The following MID1 variants were observed in gnomAD, a reference collection of about 807,000 sequenced individuals.
MID1 encodes the protein midline 1.
In MID1, 7 loss-of-function variants were observed where a neutral mutation model predicts 40.4. The ratio of observed to expected loss-of-function variants is 0.17; its 90% CI spans 0.10 to 0.33. MID1 has a LOEUF of 0.33. Ranked by LOEUF, MID1 falls within the 10% of genes least tolerant of loss-of-function variation. MID1 has a pLI of 1.00. For synonymous variants in MID1, 229 were observed against 221.2 expected (o/e 1.04, Z -0.31); for missense variants, 367 against 558.5 (o/e 0.66, Z 3.46).
At position 10,630,312 on chromosome X, in the gene MID1, T is replaced by C. The variant is rs1313525780; in HGVS notation, c.-186-9893A>G. Among the ~76,000 whole-genome samples, 3 of 110,942 alleles carry C rather than the reference T, an allele frequency of 2.7e-5. No individual in the cohort carries two copies. The Admixed American group carries it at 2.9e-4, about 11-fold the overall frequency. On this transcript the variant is annotated intron_variant, in intron 1 of 10. Transcript: ENST00000380785. Reference sequence around the variant, plus strand: ...TGAGGAGTTTCTATATTTTATAGGGTGATATTTTAGCAAAGTCCTAAGGAA... The same window carrying C: ...TGAGGAGTTTCTATATTTTATAGGGCGATATTTTAGCAAAGTCCTAAGGAA...
Position 10,730,559 on chromosome X carries a change from T to C in MID1, c.-187+102995A>G, listed in dbSNP as rs1490675558. Among the ~76,000 whole-genome samples, 3 of 101,917 alleles carry C rather than the reference T, an allele frequency of 2.9e-5. No individual in the cohort carries two copies. In the East Asian group the frequency reaches 9.0e-4, roughly 31 times the overall value. 88.5% of individuals were successfully genotyped at this position (101,917 alleles called of 115,157 possible). ...ACCGCAACTAACCTTTCAGATCAGA[T>C]ACATCTTTTTTTTTTTTTTTTTTTT... On this transcript the variant is annotated intron_variant, in intron 1 of 10. Coordinates refer to the MID1 transcript ENST00000380785.
intron 1 of MID1, among the ~76,000 whole-genome samples, chrX:10,828,010 T>C (rs1381905566): frequency 9.0e-6 from 1 of 111,435 alleles, no homozygotes; most frequent in Non-Finnish European, 1.9e-5. Context: ...TAACTCTCTG[T>C]TAGAGAGTTA....
At chrX:10,716,047 G>A (rs1370104570) in intron 1 of MID1, among the ~76,000 whole-genome samples, 1 of 111,421 alleles carries the variant, frequency 9.0e-6, no homozygotes, top group East Asian at 2.8e-4. Context: ...CCATCTGTAC[G>A]TCACCATCAT....
In MID1 at chrX:10,683,770, C is replaced by CTTTTTTTTTTTTT. The variant is rs34917176; in HGVS notation, c.-186-63364_-186-63352dup. On this transcript the variant is annotated intron_variant, in intron 1 of 10. Coordinates refer to the MID1 transcript ENST00000380785. ...CTGCACAGAAGGAATTGCACGTCATCTTTTTTTTTTTTTTTTTTTTTTTTT... is the reference window on the plus strand; with the variant it reads ...CTGCACAGAAGGAATTGCACGTCATCTTTTTTTTTTTTTTTTTTTTTTTTTTTTTTTTTTTTTT... Among the ~76,000 whole-genome samples the CTTTTTTTTTTTTT allele has an allele frequency of 6.7e-5, 3 of 45,087 alleles. 1 individual carries two copies. The highest frequency in any genetic ancestry group is 3.2e-4 in the African/African-American group (3 of 9,251). 39.2% of individuals were successfully genotyped at this position (45,087 alleles called of 115,157 possible).
At chrX:10,781,026 A>G (rs1458879212) in intron 1 of MID1, among the ~76,000 whole-genome samples, 1 of 111,974 alleles carries the variant, frequency 8.9e-6, no homozygotes, top group East Asian at 2.8e-4. Context: ...CTAACAGGCC[A>G]TGGACCAGTA....
At chrX:10,601,035 A>G (rs1935508811) in intron 1 of MID1, among the ~76,000 whole-genome samples, 1 of 112,258 alleles carries the variant, frequency 8.9e-6, no homozygotes, top group Non-Finnish European at 1.9e-5. Flanking sequence ...AAACCACACA[A>G]GGTAGCATTA....
intron 1 of MID1, among the ~76,000 whole-genome samples, chrX:10,785,755 G>A (rs1189090713): frequency 3.6e-5 from 4 of 111,277 alleles, no homozygotes; most frequent in Non-Finnish European, 7.5e-5. Context: ...GGGAAAACTG[G>A]CTAGCCATAT....
chrX:10,564,936 T>C (rs1341976771), intron 2 of MID1, among the ~76,000 whole-genome samples: 1 of 98,424 alleles, frequency 1.0e-5, no homozygotes, highest in Non-Finnish European at 2.0e-5. Flanking sequence ...AAAACAAAAA[T>C]CAAACATCTC....
intron 1 of MID1, among the ~76,000 whole-genome samples, chrX:10,802,402 T>C (rs2044014455): frequency 9.0e-6 from 1 of 110,761 alleles, no homozygotes; most frequent in South Asian, 3.8e-4. Flanking sequence ...AAAAGAGACA[T>C]ACAAGCGGCC....
At chrX:10,553,437 T>TAACAG (rs1934003490) in intron 2 of MID1, among the ~76,000 whole-genome samples, 1 of 111,401 alleles carries the variant, frequency 9.0e-6, no homozygotes, top group Admixed American at 9.5e-5. Context: ...ATCAAAAAGT[T>TAACAG]TTATTATTGA....
At chrX:10,552,544 C>A (rs2070041392) in intron 2 of MID1, among the ~76,000 whole-genome samples, 1 of 110,552 alleles carries the variant, frequency 9.0e-6, no homozygotes, top group African/African-American at 3.3e-5. Context: ...ATTAATAATA[C>A]AATAAATAGT....
chrX:10,781,651 T>A (rs1376265344), intron 1 of MID1, among the ~76,000 whole-genome samples: 1 of 112,059 alleles, frequency 8.9e-6, no homozygotes, highest in Non-Finnish European at 1.9e-5. Flanking sequence ...ATGACTTCCA[T>A]CACTACACCT....
upstream of MID1, among the ~76,000 whole-genome samples, chrX:10,623,286 AAAAG>A (rs1935958411): frequency 1.1e-5 from 1 of 93,939 alleles, no homozygotes; most frequent in Non-Finnish European, 2.1e-5. Context: ...AGAAAGAAAG[AAAAG>A]AAAGAGAGAA....
At chrX:10,730,365 G>A (rs1430464710) in intron 1 of MID1, among the ~76,000 whole-genome samples, 1 of 110,424 alleles carries the variant, frequency 9.1e-6, no homozygotes, top group Non-Finnish European at 1.9e-5. Flanking sequence ...CAAAGTATGT[G>A]ATGCCCAGAT....
intron 1 of MID1, among the ~76,000 whole-genome samples, chrX:10,723,785 C>T (rs770251145): frequency 1.8e-5 from 2 of 112,585 alleles, no homozygotes; most frequent in Non-Finnish European, 3.8e-5. Flanking sequence ...CGTGATCCGC[C>T]TGCCTCGACC....
intron 1 of MID1, among the ~76,000 whole-genome samples, chrX:10,826,235 T>C (rs753503462): frequency 9.9e-5 from 11 of 110,988 alleles, no homozygotes; most frequent in Non-Finnish European, 1.9e-4. Context: ...CCTTGCCCCA[T>C]GCATCATCCA....
rs185426813 is a variant in MID1, at chrX:10,723,575, G to T, written c.-186-103156C>A. Among the ~76,000 whole-genome samples, 290 of 113,107 alleles carry T rather than the reference G, an allele frequency of 2.6e-3. 3 individuals are homozygous for T. Among genetic ancestry groups the T allele is most frequent in the African/African-American group, 9.1e-3 (285 of 31,249 alleles). On this transcript the variant is annotated intron_variant, in intron 1 of 10. Coordinates refer to the MID1 transcript ENST00000380785. ...AGGTGTAGTTTCTTATTTTTGAGAC[G>T]GAGTCTCGCTCTGCCGCCCAGGCTG...
At chrX:10,754,894 T>C (rs73482996) in intron 1 of MID1, among the ~76,000 whole-genome samples, 11,685 of 112,148 alleles carry the variant, frequency 0.1, 1,461 homozygotes, top group African/African-American at 0.36. Flanking sequence ...AAGTTGTCAC[T>C]AAACATATGA....
chrX:10,506,870 T>C (rs912490290), intron 3 of MID1, among the ~76,000 whole-genome samples: 6 of 111,928 alleles, frequency 5.4e-5, no homozygotes, highest in African/African-American at 1.6e-4. Context: ...ACAATCTACC[T>C]ACAAGCACTC....
Sources: allele counts gnomAD v4.1 joint callset (sites outside exome capture counted in the v4.1 genomes callset), GRCh38; gene constraint gnomAD v4.1.1; transcripts MANE v1.5; gene names NCBI Gene and HGNC (gene_info 2026-07-23, HGNC 2026-07-21).